ANK3: variants seen among roughly 807,000 people sequenced by gnomAD.
ANK3 encodes ankyrin-3.
A neutral mutation model predicts 370.9 loss-of-function variants in ANK3; 57 were observed. The ratio of observed to expected loss-of-function variants is 0.15; its 90% CI spans 0.12 to 0.19. The LOEUF (loss-of-function observed/expected upper bound fraction) is 0.19. ANK3 is among the 10% of genes least tolerant of loss of function. ANK3 has a pLI of 1.00. For synonymous variants in ANK3, 1,929 were observed against 1,946.3 expected (o/e 0.99, Z 0.23); for missense variants, 4,439 against 5,302.1 (o/e 0.84, Z 5.06).
rs1213696654 is a variant in ANK3, at chr10:60,596,438, G to A, written c.96+18748C>T. On this transcript the variant is annotated intron_variant, in intron 2 of 43. Transcript: ENST00000373827. ...GCCCTAATCAAACATGGCAACAGTCGCATACACAGTTGCAGCCATTACCTT... is the reference window on the plus strand; with the variant it reads ...GCCCTAATCAAACATGGCAACAGTCACATACACAGTTGCAGCCATTACCTT... 5.9e-5 allele frequency among the ~76,000 whole-genome samples: 9 copies of A among 152,144 alleles called. No homozygotes were observed. In the South Asian group the frequency reaches 6.2e-4, roughly 11 times the overall value.
intron 2 of ANK3, among the ~76,000 whole-genome samples, chr10:60,399,026 G>C (rs1454907227): frequency 6.6e-6 from 1 of 152,020 alleles, no homozygotes; most frequent in East Asian, 1.9e-4. Context: ...ATTACTTTTA[G>C]GGCAACACAT....
intron 43 of ANK3, among the ~76,000 whole-genome samples, chr10:60,036,909 A>G (rs1350566999): frequency 1.3e-5 from 2 of 152,170 alleles, no homozygotes; most frequent in Admixed American, 6.5e-5. Context: ...ACTTTTCCTC[A>G]GAGCTTCGGA....
chr10:60,549,112 C>T (rs2077034657), intron 2 of ANK3, among the ~76,000 whole-genome samples: 1 of 149,924 alleles, frequency 6.7e-6, no homozygotes, highest in South Asian at 2.2e-4. Context: ...AATTGCTACA[C>T]AAATGAGTGA....
intron 7 of ANK3, among the ~76,000 whole-genome samples, chr10:60,253,318 A>G (rs2097693599): frequency 6.6e-6 from 1 of 152,166 alleles, no homozygotes; most frequent in Admixed American, 6.5e-5. Flanking sequence ...TTAGTGATTG[A>G]TGATACAGCC....
chr10:60,664,415 T>G (rs968621305), intron 1 of ANK3, among the ~76,000 whole-genome samples: 1 of 152,184 alleles, frequency 6.6e-6, no homozygotes, highest in Non-Finnish European at 1.5e-5. Flanking sequence ...TATATATGTG[T>G]GTACAAAGAT....
At chr10:60,676,909 C>T (rs1027124963) in intron 1 of ANK3, among the ~76,000 whole-genome samples, 2 of 152,104 alleles carry the variant, frequency 1.3e-5, no homozygotes, top group Non-Finnish European at 2.9e-5. Flanking sequence ...GTTCCCAATA[C>T]AAAGAAATGA....
At chr10:60,536,059 CTA>C (rs2076718181) in intron 2 of ANK3, among the ~76,000 whole-genome samples, 1 of 151,998 alleles carries the variant, frequency 6.6e-6, no homozygotes, top group Non-Finnish European at 1.5e-5. Flanking sequence ...AAAAAGAATT[CTA>C]TGTGGTTGCA....
intron 2 of ANK3, among the ~76,000 whole-genome samples, chr10:60,398,465 A>G (rs2063288315): frequency 6.6e-6 from 1 of 152,166 alleles, no homozygotes; most frequent in South Asian, 2.1e-4. Context: ...ATGCATATAC[A>G]CACAGGTATA....
At chr10:60,592,166 T>A (rs1172141515) in intron 2 of ANK3, among the ~76,000 whole-genome samples, 1 of 152,182 alleles carries the variant, frequency 6.6e-6, no homozygotes, top group African/African-American at 2.4e-5. Context: ...TGAATGCCTG[T>A]ATCAAAACAT....
intron 1 of ANK3, among the ~76,000 whole-genome samples, chr10:60,281,576 C>T (rs1056639165): frequency 2.0e-5 from 3 of 152,216 alleles, no homozygotes; most frequent in Non-Finnish European, 4.4e-5. Context: ...TAATATTCAT[C>T]TTACTGTTTC....
At chr10:60,185,033 T>C (rs539130068) in intron 17 of ANK3, among the ~76,000 whole-genome samples, 17 of 152,280 alleles carry the variant, frequency 1.1e-4, no homozygotes, top group Admixed American at 2.0e-4. Flanking sequence ...TATAAAACTA[T>C]AGAAAATTCA....
chr10:60,231,644 A>G (rs2097248401), intron 8 of ANK3, among the ~76,000 whole-genome samples: 1 of 152,108 alleles, frequency 6.6e-6, no homozygotes, highest in South Asian at 2.1e-4. Flanking sequence ...CACACACCCA[A>G]TCACTACTTC....
At chr10:60,206,827 G>T (rs1282957098) in intron 10 of ANK3, among the ~76,000 whole-genome samples, 1 of 152,178 alleles carries the variant, frequency 6.6e-6, no homozygotes, top group Non-Finnish European at 1.5e-5. Flanking sequence ...TGCCAGTGGA[G>T]AACTATAAAA....
intron 7 of ANK3, among the ~76,000 whole-genome samples, chr10:60,242,823 G>GT (rs1243468091): frequency 7.2e-5 from 11 of 152,052 alleles, no homozygotes; most frequent in African/African-American, 2.7e-4. Context: ...ACTATCGAAT[G>GT]TTTTTCTTTA....
chr10:60,456,813 C>T lies in ANK3; in HGVS notation c.96+158373G>A, dbSNP rs139827667. Among the ~76,000 whole-genome samples, 106 of 152,252 alleles carry T rather than the reference C, an allele frequency of 7.0e-4. 1 individual carries two copies. Among genetic ancestry groups the T allele is most frequent in the African/African-American group, 2.4e-3 (99 of 41,546 alleles). ...GGGGATTGCCACCTGACTTCCAAAT[C>T]GCAATCTCCAACACTAGATTTTTGC... On this transcript the variant is annotated intron_variant, in intron 2 of 43. Coordinates refer to the ANK3 transcript ENST00000373827.
At chr10:60,199,553 A>T (rs2096641342) in intron 13 of ANK3, among the ~76,000 whole-genome samples, 1 of 152,160 alleles carries the variant, frequency 6.6e-6, no homozygotes. Flanking sequence ...TTGTAGGTTG[A>T]AATTAAGTGG....
At chr10:60,428,405 C>A (rs564937472) in intron 2 of ANK3, among the ~76,000 whole-genome samples, 4 of 152,180 alleles carry the variant, frequency 2.6e-5, no homozygotes, top group African/African-American at 9.6e-5. Flanking sequence ...TGGCTTAGCC[C>A]AAGAAAGACA....
chr10:60,045,311 G>T (rs970127961), intron 42 of ANK3, among the ~76,000 whole-genome samples: 1 of 152,114 alleles, frequency 6.6e-6, no homozygotes, highest in East Asian at 1.9e-4. Context: ...AACTCTGAAA[G>T]GTCTCACTAT....
intron 4 of ANK3, among the ~76,000 whole-genome samples, chr10:60,272,306 A>G (rs2098004727): frequency 6.6e-6 from 1 of 151,878 alleles, no homozygotes; most frequent in Admixed American, 6.5e-5. Flanking sequence ...TCTTTAAGCA[A>G]CAAAACAAGA....
Sources: allele counts gnomAD v4.1 joint callset (sites outside exome capture counted in the v4.1 genomes callset), GRCh38; gene constraint gnomAD v4.1.1; transcripts MANE v1.5; gene names NCBI Gene and HGNC (gene_info 2026-07-23, HGNC 2026-07-21).